AGAP1: variants seen among roughly 807,000 people sequenced by gnomAD.
AGAP1 encodes the protein arf-GAP with GTPase, ANK repeat and PH domain-containing protein 1.
Under a neutral mutation model 105.3 loss-of-function variants are expected in AGAP1, and 29 were observed. The observed-to-expected ratio is 0.28, with a 90% CI of 0.21 to 0.38. The LOEUF (loss-of-function observed/expected upper bound fraction) is 0.38, where lower values mean the gene tolerates loss of function less well. AGAP1 is among the 10% of genes least tolerant of loss of function. The pLI is 1.00. For synonymous variants in AGAP1, 509 were observed against 485.9 expected (o/e 1.05, Z -0.63); for missense variants, 998 against 1,165.1 (o/e 0.86, Z 2.09).
chr2:235,947,839 T>C (rs1298095330), intron 12 of AGAP1, among the ~76,000 whole-genome samples: 1 of 152,252 alleles, frequency 6.6e-6, no homozygotes, highest in Non-Finnish European at 1.5e-5. Context: ...TAGGTACTAT[T>C]TGTTAAGTCT....
chr2:235,770,625 A>C (rs1161169156), intron 6 of AGAP1, among the ~76,000 whole-genome samples: 1 of 152,238 alleles, frequency 6.6e-6, no homozygotes, highest in Non-Finnish European at 1.5e-5. Context: ...TTTAAATAGA[A>C]GCTTAAACTG....
rs563385757 is a variant in AGAP1 at position 235,620,972 on chromosome 2, G to C, written c.164-88207G>C. Among the ~76,000 whole-genome samples the C allele has an allele frequency of 1.3e-5, 2 of 152,182 alleles. No individual in the cohort carries two copies. Among genetic ancestry groups the C allele is most frequent in the Non-Finnish European group, 2.9e-5 (2 of 68,036 alleles). On this transcript the variant is annotated intron_variant, in intron 1 of 17. Transcript: ENST00000304032. The surrounding 1 kb of genome is among the most constrained non-coding windows in gnomAD (Gnocchi z 4.5). ...TCAGGAGCCAGGGGGCTGCATCTGC[G>C]TGTTGGCTCTGCTGCTGAAGTGGCT...
rs564471374 is a variant in AGAP1 at position 235,732,375 on chromosome 2, C to T, written c.311-8588C>T. Among the ~76,000 whole-genome samples, 1 of 152,258 alleles carries T rather than the reference C, an allele frequency of 6.6e-6. No individual in the cohort carries two copies. Among genetic ancestry groups the T allele is most frequent in the East Asian group, 1.9e-4 (1 of 5,174 alleles). On this transcript the variant is annotated intron_variant, in intron 3 of 17. Transcript: ENST00000304032. This position sits in a 1 kb window ranked among gnomAD's most constrained non-coding sequence, Gnocchi z 4.8. ...TTTTTCTAATTTTATTCATCAGTTCCCCAAATGCCGTTTTGATCCTCAGAT... is the reference window on the plus strand; with the variant it reads ...TTTTTCTAATTTTATTCATCAGTTCTCCAAATGCCGTTTTGATCCTCAGAT...
intron 13 of AGAP1, among the ~76,000 whole-genome samples, chr2:236,034,673 C>T (rs1205127914): frequency 6.6e-6 from 1 of 152,192 alleles, no homozygotes; most frequent in East Asian, 1.9e-4. Flanking sequence ...CAGCCCGTAT[C>T]GGTCCCTTTC....
In AGAP1 at chr2:235,671,063, C is replaced by T. The variant is rs986447492; in HGVS notation, c.164-38116C>T. Reference sequence around the variant, plus strand: ...CGACGGCTCCCCGCGCAGAGGTGGGCAGCGTGGCCGGGGGTCCCGGGACGG... The same window carrying T: ...CGACGGCTCCCCGCGCAGAGGTGGGTAGCGTGGCCGGGGGTCCCGGGACGG... On this transcript the variant is annotated intron_variant, in intron 1 of 17. Transcript: ENST00000304032. 16 of 1,266,542 alleles carry T rather than the reference C, an allele frequency of 1.3e-5. 1 individual carries two copies. Among genetic ancestry groups the T allele is most frequent in the Admixed American group, 8.4e-5 (2 of 23,840 alleles). The allele number at this position is 1,266,542 out of a possible 1,614,324, so 78.5% of individuals were successfully genotyped here.
At chr2:236,013,613 C>T (rs2056594878) in intron 13 of AGAP1, among the ~76,000 whole-genome samples, 1 of 152,144 alleles carries the variant, frequency 6.6e-6, no homozygotes, top group Non-Finnish European at 1.5e-5. Context: ...TGCTGCTCAC[C>T]TGCATTAAAC....
intron 9 of AGAP1, among the ~76,000 whole-genome samples, chr2:235,858,764 C>T (rs2048791853): frequency 6.6e-6 from 1 of 152,128 alleles, no homozygotes; most frequent in Admixed American, 6.5e-5. Context: ...AATTGATGAG[C>T]AGGGAGAGGC....
In AGAP1 at chr2:235,734,564, TA is replaced by T. The variant is rs1442413704; in HGVS notation, c.311-6394del. 3.9e-5 allele frequency among the ~76,000 whole-genome samples: 6 copies of T among 152,098 alleles called. No homozygotes were observed. The highest frequency in any genetic ancestry group is 1.4e-4 in the African/African-American group (6 of 41,382). ...AGAATAGTAAAAATTAAAAACCCTT[TA>T]AAAAGATAAAAATCAACAGTAAAAA... On this transcript the variant is annotated intron_variant, in intron 3 of 17. Transcript: ENST00000304032. This position sits in a 1 kb window ranked among gnomAD's most constrained non-coding sequence, Gnocchi z 5.3.
chr2:236,057,577 C>T (rs1018661790), intron 16 of AGAP1, among the ~76,000 whole-genome samples: 90 of 151,980 alleles, frequency 5.9e-4, no homozygotes, highest in Middle Eastern at 3.4e-3. Context: ...CCGTGTTTCA[C>T]GTAACCACAT....
At chr2:235,565,881 A>G (rs1321751489) in intron 1 of AGAP1, among the ~76,000 whole-genome samples, 6 of 152,034 alleles carry the variant, frequency 3.9e-5, no homozygotes, top group Non-Finnish European at 2.9e-5. Context: ...CTGGTGGGCA[A>G]TTTGTCCACC....
chr2:235,587,866 C>T (rs1945172239), intron 1 of AGAP1, among the ~76,000 whole-genome samples: 1 of 152,164 alleles, frequency 6.6e-6, no homozygotes, highest in East Asian at 1.9e-4. Flanking sequence ...GGTCCTGCTG[C>T]TCCTTCCACG....
chr2:235,957,288 G>A lies in AGAP1; in HGVS notation c.1484-11174G>A, dbSNP rs975112976. 2.0e-5 allele frequency among the ~76,000 whole-genome samples: 3 copies of A among 152,146 alleles called. No homozygotes were observed. The highest frequency in any genetic ancestry group is 4.4e-5 in the Non-Finnish European group (3 of 68,022). On this transcript the variant is annotated intron_variant, in intron 12 of 17. Transcript: ENST00000304032. This position sits in a 1 kb window ranked among gnomAD's most constrained non-coding sequence, Gnocchi z 4.6. ...GCTTAATTTAGAGAGATCTCTGGGC[G>A]TAATTGAAAATGGCCCAAGTAGGCA...
At chr2:235,924,236 G>T (rs1013329394) in intron 11 of AGAP1, among the ~76,000 whole-genome samples, 1 of 152,040 alleles carries the variant, frequency 6.6e-6, no homozygotes, top group Non-Finnish European at 1.5e-5. Context: ...TCTTTATCTA[G>T]ATGGGCCTAA....
intron 13 of AGAP1, among the ~76,000 whole-genome samples, chr2:236,007,732 C>A (rs2056370342): frequency 6.6e-6 from 1 of 152,220 alleles, no homozygotes; most frequent in African/African-American, 2.4e-5. Flanking sequence ...ATGAATGTTT[C>A]CCATTATCAC....
rs989660234 is a variant in AGAP1 at position 236,080,400 on chromosome 2, G to A, written c.2114+31119G>A. On this transcript the variant is annotated intron_variant, in intron 16 of 17. Transcript: ENST00000304032. This position sits in a 1 kb window ranked among gnomAD's most constrained non-coding sequence, Gnocchi z 4.2. ...GGGACAGCTAGGAGGAAATAAGGAC[G>A]TCAGTTTGCAACCAGACAAGTTTAG... Among the ~76,000 whole-genome samples, 4 of 152,316 alleles carry A rather than the reference G, an allele frequency of 2.6e-5. No individual in the cohort carries two copies. Among genetic ancestry groups the A allele is most frequent in the African/African-American group, 7.2e-5 (3 of 41,560 alleles).
chr2:235,522,790 T>C (rs1369033596), intron 1 of AGAP1, among the ~76,000 whole-genome samples: 1 of 152,348 alleles, frequency 6.6e-6, no homozygotes, highest in East Asian at 1.9e-4. Flanking sequence ...GCTGGAAAGC[T>C]GACCTTTATG....
At chr2:235,509,792 G>T (rs906670569) in intron 1 of AGAP1, among the ~76,000 whole-genome samples, 1 of 152,118 alleles carries the variant, frequency 6.6e-6, no homozygotes, top group African/African-American at 2.4e-5. Context: ...CAGCCTCTGG[G>T]CCATGGACCA....
rs538550961 is a variant in AGAP1, at chr2:235,569,523, C to G, written c.163+74674C>G. Among the ~76,000 whole-genome samples, 1 of 152,252 alleles carries G rather than the reference C, an allele frequency of 6.6e-6. No individual in the cohort carries two copies. Among genetic ancestry groups the G allele is most frequent in the African/African-American group, 2.4e-5 (1 of 41,538 alleles). On this transcript the variant is annotated intron_variant, in intron 1 of 17. Transcript: ENST00000304032. This position sits in a 1 kb window ranked among gnomAD's most constrained non-coding sequence, Gnocchi z 5.9. Reference sequence around the variant, plus strand: ...GGGCAAAATGGAAAGCAAACCTGGCCTCTTGTACCTCTGAGCCCCGAATTC... The same window carrying G: ...GGGCAAAATGGAAAGCAAACCTGGCGTCTTGTACCTCTGAGCCCCGAATTC...
intron 1 of AGAP1, among the ~76,000 whole-genome samples, chr2:235,529,532 G>T (rs1942973557): frequency 6.6e-6 from 1 of 152,152 alleles, no homozygotes; most frequent in African/African-American, 2.4e-5. Flanking sequence ...GGACAGCTGT[G>T]CAGTCAGCAT....
Sources: gnomAD v4.1 joint callset for allele counts (sites outside exome capture counted in the v4.1 genomes callset) on GRCh38, gnomAD v4.1.1 for gene constraint, Gnocchi (gnomAD v3.1) non-coding constraint, MANE v1.5 for transcripts, NCBI Gene and HGNC (gene_info 2026-07-23, HGNC 2026-07-21) for gene names.